PCDHA5: variants seen among roughly 807,000 people sequenced by gnomAD.
The protein encoded by PCDHA5 is protocadherin alpha-5.
In PCDHA5, 43 loss-of-function variants were observed where a neutral mutation model predicts 61.6. The ratio of observed to expected loss-of-function variants is 0.70; its 90% CI spans 0.55 to 0.90. PCDHA5 has a LOEUF of 0.90. Ranked by LOEUF, PCDHA5 falls within the 40% of genes least tolerant of loss-of-function variation. The pLI is 0.00. For missense variants in PCDHA5, 1,298 were observed against 1,222.7 expected (o/e 1.06, Z -0.92); for synonymous variants, 627 against 543.9 (o/e 1.15, Z -2.13).
intron 1 of PCDHA5, among the ~76,000 whole-genome samples, chr5:140,959,259 C>T (rs781794121): frequency 4.6e-5 from 7 of 152,040 alleles, no homozygotes; most frequent in African/African-American, 7.2e-5. Flanking sequence ...TGACTGTAGT[C>T]CCAGCTACCC....
chr5:140,843,521 G>A (rs1168797267), intron 1 of PCDHA5: 1 of 1,595,866 alleles, frequency 6.3e-7, no homozygotes, highest in Non-Finnish European at 8.6e-7. Context: ...CGGGTGCCGG[G>A]CGGGCAAGCC....
chr5:140,912,322 G>A (rs1050946341), intron 1 of PCDHA5, among the ~76,000 whole-genome samples: 10 of 149,938 alleles, frequency 6.7e-5, no homozygotes, highest in African/African-American at 1.7e-4. Flanking sequence ...TTGACCCTCA[G>A]TATTAACCAG....
intron 1 of PCDHA5, chr5:140,843,736 A>G: frequency 6.5e-7 from 1 of 1,547,470 alleles, no homozygotes; most frequent in African/African-American, 1.4e-5. Context: ...TTAAATTTAG[A>G]ACTCATAAAT....
chr5:140,843,231 TGGACGAAGC>T lies in PCDHA5; in HGVS notation c.2352+19109_2352+19117del. 1.8e-5 allele frequency: 29 copies of T among 1,596,108 alleles called. 2 individuals carry two copies. The highest frequency in any genetic ancestry group is 2.5e-5 in the Non-Finnish European group (29 of 1,165,604). The stretch of plus-strand genomic sequence containing the variant: ...GGCGAGATCAGCACCACTCGTGTCC[TGGACGAAGC>T]GGACTCTCCGCGCCACCGTCTGCTG... On this transcript the variant is annotated intron_variant, in intron 1 of 3. Transcript: ENST00000529859.
chr5:140,831,878 G>T (rs2150197940), intron 1 of PCDHA5, among the ~76,000 whole-genome samples: 2 of 152,198 alleles, frequency 1.3e-5, no homozygotes, highest in African/African-American at 4.8e-5. Flanking sequence ...ATTGTAAGGC[G>T]CTTATAACTG....
chr5:140,887,120 G>A (rs2061314160), intron 1 of PCDHA5, among the ~76,000 whole-genome samples: 1 of 148,878 alleles, frequency 6.7e-6, no homozygotes, highest in African/African-American at 2.5e-5. Context: ...TTTTTGAGAC[G>A]GAGTCTCACT....
intron 1 of PCDHA5, among the ~76,000 whole-genome samples, chr5:140,935,347 T>C (rs886241397): frequency 1.3e-5 from 2 of 152,180 alleles, no homozygotes; most frequent in African/African-American, 4.8e-5. Flanking sequence ...ATACGTCAAA[T>C]CCCAGTTTTC....
In PCDHA5 at chr5:140,852,619, G is replaced by C. The variant is rs147501708; in HGVS notation, c.2352+28492G>C. On this transcript the variant is annotated intron_variant, in intron 1 of 3. Transcript: ENST00000529859. ...TGTCATTTTCTTTCAAAACTTGAGT[G>C]GTCTCTGAGCTCCTGTCATTAAACC... The C allele has an allele frequency of 3.4e-4, 315 of 937,802 alleles. 5 individuals carry two copies. The East Asian group carries it at 0.027, about 79-fold the overall frequency. The allele number at this position is 937,802 out of a possible 1,614,324, so 58.1% of individuals were successfully genotyped here.
chr5:140,839,096 G>T (rs1372259471), intron 1 of PCDHA5, among the ~76,000 whole-genome samples: 2 of 151,884 alleles, frequency 1.3e-5, no homozygotes, highest in Admixed American at 6.6e-5. Context: ...ATAATCAATA[G>T]AATTATTTAC....
At chr5:141,003,094 A>G (rs2098111645) in intron 3 of PCDHA5, among the ~76,000 whole-genome samples, 1 of 152,230 alleles carries the variant, frequency 6.6e-6, no homozygotes, top group African/African-American at 2.4e-5. Flanking sequence ...CAGGCCTGGC[A>G]TTTGCTTCAC....
intron 1 of PCDHA5, chr5:140,967,751 T>G: frequency 6.2e-7 from 1 of 1,614,138 alleles, no homozygotes; most frequent in African/African-American, 1.3e-5. Context: ...TGAGGAAGCC[T>G]CCTCCTACCA....
At chr5:140,935,073 A>G (rs77827614) in intron 1 of PCDHA5, among the ~76,000 whole-genome samples, 63 of 152,260 alleles carry the variant, frequency 4.1e-4, no homozygotes, top group African/African-American at 1.3e-3. Context: ...ATTATCTTGT[A>G]CATTTCCTTT....
chr5:140,987,207 C>A (rs1475441121), intron 3 of PCDHA5, among the ~76,000 whole-genome samples: 1 of 148,672 alleles, frequency 6.7e-6, no homozygotes, highest in African/African-American at 2.5e-5. Context: ...GAGTGAGACT[C>A]CATCTCAAAA....
At chr5:140,968,463 A>G (rs1012242019) in intron 1 of PCDHA5, 6 of 1,613,994 alleles carry the variant, frequency 3.7e-6, no homozygotes, top group Middle Eastern at 1.6e-4. Context: ...GTGACTGCCA[A>G]CGTATATGTG....
At chr5:140,960,557 G>A (rs2095556177) in intron 1 of PCDHA5, among the ~76,000 whole-genome samples, 1 of 152,104 alleles carries the variant, frequency 6.6e-6, no homozygotes. Context: ...TATAGACTGA[G>A]CTTAGGAAAA....
chr5:140,884,273 C>T (rs1554181411), intron 1 of PCDHA5: 2 of 1,613,468 alleles, frequency 1.2e-6, no homozygotes, highest in Admixed American at 3.3e-5. Context: ...GCTGTTGTCG[C>T]TGGTGGAGAG....
intron 1 of PCDHA5, among the ~76,000 whole-genome samples, chr5:140,904,464 T>G (rs2071152048): frequency 1.3e-5 from 2 of 151,802 alleles, no homozygotes; most frequent in South Asian, 4.1e-4. Context: ...CACTTGTTGA[T>G]TGGTGGCTAT....
intron 1 of PCDHA5, chr5:140,864,379 T>G (rs991413766): frequency 6.6e-6 from 1 of 152,364 alleles, no homozygotes; most frequent in African/African-American, 2.4e-5. Flanking sequence ...TCGATAAGTT[T>G]ATCTCTCACA....
chr5:140,906,252 C>T (rs1376694912), intron 1 of PCDHA5, among the ~76,000 whole-genome samples: 1 of 152,180 alleles, frequency 6.6e-6, no homozygotes, highest in Admixed American at 6.5e-5. Flanking sequence ...AACCCATACA[C>T]ACCTCCTGAA....
Sources: gnomAD v4.1 joint callset for allele counts (sites outside exome capture counted in the v4.1 genomes callset) on GRCh38, gnomAD v4.1.1 for gene constraint, MANE v1.5 for transcripts, NCBI Gene and HGNC (gene_info 2026-07-23, HGNC 2026-07-21) for gene names.